KAZN: variants seen among roughly 807,000 people sequenced by gnomAD.
KAZN encodes kazrin.
In KAZN, 40 loss-of-function variants were observed where a neutral mutation model predicts 87.4. The ratio of observed to expected loss-of-function variants is 0.46; its 90% CI spans 0.36 to 0.60. The LOEUF is 0.60. Ranked by LOEUF, KAZN falls within the 20% of genes least tolerant of loss-of-function variation. The pLI is 0.00. For synonymous variants in KAZN, 466 were observed against 458.3 expected (o/e 1.02, Z -0.22); for missense variants, 898 against 1,073.9 (o/e 0.84, Z 2.29).
intron 7 of KAZN, 45 bp from the exon 8 acceptor site, chr1:15,065,585 T>G (rs1400561492): frequency 6.5e-6 from 10 of 1,533,902 alleles, no homozygotes; most frequent in Non-Finnish European, 8.9e-6. Context: ...AGCTTGGCTT[T>G]CTTCTTCTCC....
At chr1:14,947,819 C>T (rs984974554) in intron 1 of KAZN, among the ~76,000 whole-genome samples, 4 of 152,216 alleles carry the variant, frequency 2.6e-5, no homozygotes, top group African/African-American at 9.7e-5. Flanking sequence ...GAGCTGGAAC[C>T]CTCAGGTGAA....
intron 1 of KAZN, among the ~76,000 whole-genome samples, chr1:14,727,572 TG>T (rs1300813819): frequency 3.5e-5 from 5 of 144,516 alleles, no homozygotes; most frequent in Non-Finnish European, 7.5e-5. Context: ...CTCTGCTTCC[TG>T]GGTTCAAGCG....
intron 2 of KAZN, among the ~76,000 whole-genome samples, chr1:15,029,277 G>T (rs1671452462): frequency 6.6e-6 from 1 of 152,210 alleles, no homozygotes; most frequent in South Asian, 2.1e-4. Context: ...CTCCCACAAG[G>T]CAGGAACCAC....
At chr1:14,127,526 C>T (rs1393633137) in intron 1 of KAZN, among the ~76,000 whole-genome samples, 1 of 151,932 alleles carries the variant, frequency 6.6e-6, no homozygotes, top group African/African-American at 2.4e-5. Context: ...GGGTATTTCC[C>T]ACTTGGGAAA....
chr1:14,883,565 A>G (rs1051762744), intron 1 of KAZN, among the ~76,000 whole-genome samples: 1 of 149,392 alleles, frequency 6.7e-6, no homozygotes, highest in African/African-American at 2.5e-5. Flanking sequence ...CGCTCCTCCC[A>G]TCCTCCATCA....
chr1:14,896,636 G>A (rs1039917009), intron 1 of KAZN, among the ~76,000 whole-genome samples: 8 of 152,074 alleles, frequency 5.3e-5, no homozygotes, highest in Non-Finnish European at 8.8e-5. Flanking sequence ...GCAAATCCAG[G>A]GCAGCCTCAA....
intron 1 of KAZN, among the ~76,000 whole-genome samples, chr1:13,994,400 T>G (rs1226167803): frequency 6.6e-6 from 1 of 152,242 alleles, no homozygotes; most frequent in Non-Finnish European, 1.5e-5. Flanking sequence ...TGTTCTCCAG[T>G]TAAAATCATA....
chr1:14,464,296 T>C (rs1668001421), intron 2 of KAZN, among the ~76,000 whole-genome samples: 1 of 152,232 alleles, frequency 6.6e-6, no homozygotes. Flanking sequence ...TTTTTATTAA[T>C]TAGTCCTCAA....
chr1:14,181,820 A>T (rs543938052), intron 2 of KAZN, among the ~76,000 whole-genome samples: 1 of 152,202 alleles, frequency 6.6e-6, no homozygotes, highest in East Asian at 1.9e-4. Flanking sequence ...TCTTGAAAGG[A>T]TTAGCTTTCC....
At chr1:14,398,312 T>G (rs1439692203) in intron 2 of KAZN, among the ~76,000 whole-genome samples, 1 of 152,206 alleles carries the variant, frequency 6.6e-6, no homozygotes, top group Non-Finnish European at 1.5e-5. Flanking sequence ...CAGGTCTTCT[T>G]GAATTTGAAT....
intron 1 of KAZN, among the ~76,000 whole-genome samples, chr1:14,668,454 T>G (rs1350152676): frequency 1.3e-5 from 2 of 151,838 alleles, no homozygotes; most frequent in Non-Finnish European, 2.9e-5. Context: ...CCTCAGAAGG[T>G]CTCCTCACCC....
intron 2 of KAZN, among the ~76,000 whole-genome samples, chr1:15,012,991 G>A (rs1438140418): frequency 8.5e-5 from 13 of 152,178 alleles, no homozygotes; most frequent in Admixed American, 3.3e-4. Flanking sequence ...TGGTCCCAGC[G>A]TGTACCCAGA....
At chr1:14,359,005 T>A (rs1206340556) in intron 2 of KAZN, among the ~76,000 whole-genome samples, 1 of 152,174 alleles carries the variant, frequency 6.6e-6, no homozygotes, top group African/African-American at 2.4e-5. Flanking sequence ...CTCATTGATC[T>A]AATATTGACA....
intron 1 of KAZN, among the ~76,000 whole-genome samples, chr1:14,919,477 C>T (rs987162377): frequency 8.5e-5 from 13 of 152,286 alleles, no homozygotes; most frequent in South Asian, 8.3e-4. Flanking sequence ...GCGCCCCTCC[C>T]GAGGCACTTT....
At chr1:14,891,632 G>A (rs111754035) in intron 1 of KAZN, among the ~76,000 whole-genome samples, 330 of 152,272 alleles carry the variant, frequency 2.2e-3, no homozygotes, top group African/African-American at 7.2e-3. Flanking sequence ...ATGGAATACC[G>A]TTGAATTGTT....
intron 1 of KAZN, among the ~76,000 whole-genome samples, chr1:13,908,998 TCTC>T (rs1168938183): frequency 1.3e-5 from 2 of 152,182 alleles, no homozygotes; most frequent in Non-Finnish European, 2.9e-5. Flanking sequence ...GTTTGCCTCT[TCTC>T]CTCGCTTCTT....
intron 1 of KAZN, among the ~76,000 whole-genome samples, chr1:14,764,448 A>G (rs1351476481): frequency 1.4e-5 from 2 of 141,664 alleles, no homozygotes; most frequent in Non-Finnish European, 3.0e-5. Context: ...CTAACATGAT[A>G]TACGATTTAC....
At chr1:14,823,355 G>A (rs923440824) in intron 1 of KAZN, among the ~76,000 whole-genome samples, 1 of 152,134 alleles carries the variant, frequency 6.6e-6, no homozygotes, top group East Asian at 1.9e-4. Flanking sequence ...GGAAGTTGTT[G>A]GGAAGCCCAG....
intron 1 of KAZN, among the ~76,000 whole-genome samples, chr1:14,679,692 G>T (rs1441573602): frequency 6.6e-6 from 1 of 152,156 alleles, no homozygotes; most frequent in Non-Finnish European, 1.5e-5. Flanking sequence ...CTGTGAGGTA[G>T]GTACTAGTGA....
Sources: gnomAD v4.1 joint callset for allele counts (sites outside exome capture counted in the v4.1 genomes callset) on GRCh38, gnomAD v4.1.1 for gene constraint, MANE v1.5 for transcripts, NCBI Gene and HGNC (gene_info 2026-07-23, HGNC 2026-07-21) for gene names.